NAALADL2: variants seen among roughly 807,000 people sequenced by gnomAD.
NAALADL2 encodes N-acetylated alpha-linked acidic dipeptidase like 2.
Under a neutral mutation model 87.2 loss-of-function variants are expected in NAALADL2, and 76 were observed. The observed-to-expected ratio is 0.87, with a 90% CI of 0.72 to 1.05. The LOEUF is 1.05. NAALADL2 is among the 50% of genes least tolerant of loss of function. NAALADL2 has a pLI of 0.00. For synonymous variants in NAALADL2, 354 were observed against 331.0 expected (o/e 1.07, Z -0.75); for missense variants, 1,089 against 945.8 (o/e 1.15, Z -1.99).
Position 174,559,717 on chromosome 3 carries a change from G to C in NAALADL2, c.-115+9080G>C, listed in dbSNP as rs145369593. On this transcript the variant is annotated intron_variant, in intron 2 of 3. Transcript: ENST00000434257. ...TTTTCTTGTTTTATGCTTGTTGTAT[G>C]ATGGAAAGAAGGCAGGAGGGTCCCT... Among the ~76,000 whole-genome samples, 750 of 152,290 alleles carry C rather than the reference G, an allele frequency of 4.9e-3. 5 individuals are homozygous for C. Among genetic ancestry groups the C allele is most frequent in the African/African-American group, 0.017 (721 of 41,550 alleles).
chr3:175,763,204 A>G (rs564070025), intron 13 of NAALADL2, among the ~76,000 whole-genome samples: 1 of 152,262 alleles, frequency 6.6e-6, no homozygotes, highest in Non-Finnish European at 1.5e-5. Context: ...CTTCTCTCTA[A>G]TCACTTTCTT....
intron 1 of NAALADL2, among the ~76,000 whole-genome samples, chr3:175,006,771 G>T (rs1749082080): frequency 6.6e-6 from 1 of 151,562 alleles, no homozygotes; most frequent in South Asian, 2.1e-4. Flanking sequence ...ATATTGAAAA[G>T]TTCCTTTGTC....
intron 2 of NAALADL2, among the ~76,000 whole-genome samples, chr3:174,651,166 G>T (rs1724318863): frequency 6.6e-6 from 1 of 152,108 alleles, no homozygotes; most frequent in Non-Finnish European, 1.5e-5. Flanking sequence ...GGAATATGAT[G>T]ATATGTTCAC....
chr3:174,802,455 A>G (rs1355661663), intron 3 of NAALADL2, among the ~76,000 whole-genome samples: 1 of 152,202 alleles, frequency 6.6e-6, no homozygotes, highest in Non-Finnish European at 1.5e-5. Flanking sequence ...AATATGATAT[A>G]CATGACTTCT....
chr3:174,787,610 T>TATATACAC (rs1716949278), intron 3 of NAALADL2, among the ~76,000 whole-genome samples: 1 of 111,846 alleles, frequency 8.9e-6, no homozygotes, highest in Admixed American at 9.4e-5. Flanking sequence ...TATATATATA[T>TATATACAC]ATATATATAT....
intron 4 of NAALADL2, among the ~76,000 whole-genome samples, chr3:175,291,886 A>G (rs1294437108): frequency 6.6e-6 from 1 of 152,216 alleles, no homozygotes; most frequent in African/African-American, 2.4e-5. Flanking sequence ...GAGGATAATT[A>G]TTATTTATAC....
At chr3:175,135,420 T>C (rs371929606) in intron 2 of NAALADL2, among the ~76,000 whole-genome samples, 14 of 82,320 alleles carry the variant, frequency 1.7e-4, no homozygotes, top group African/African-American at 5.2e-4. Flanking sequence ...AAAAATGATA[T>C]GCACACAAAA....
chr3:174,606,787 A>C (rs1172719726), intron 2 of NAALADL2, among the ~76,000 whole-genome samples: 1 of 152,194 alleles, frequency 6.6e-6, no homozygotes, highest in Non-Finnish European at 1.5e-5. Flanking sequence ...CTAGCAAGGC[A>C]GGCCAACATT....
intron 3 of NAALADL2, among the ~76,000 whole-genome samples, chr3:174,816,391 TGTGTGTGTGTGTATGTGTGTGC>T (rs1226886827): frequency 8.6e-6 from 1 of 116,020 alleles, no homozygotes; most frequent in Non-Finnish European, 1.8e-5. Flanking sequence ...TATATATGTG[TGTGTGTGTGTGTATGTGTGTGC>T]GTGTGTGTGT....
At chr3:174,646,146 T>A (rs1002189581) in intron 2 of NAALADL2, among the ~76,000 whole-genome samples, 1 of 151,994 alleles carries the variant, frequency 6.6e-6, no homozygotes, top group Non-Finnish European at 1.5e-5. Context: ...ACACATCAAA[T>A]AAAACACTAA....
In NAALADL2 at chr3:175,805,872, G is replaced by C. The variant is rs1019626009; in HGVS notation, c.*2669G>C. 1 of 151,978 alleles carries C rather than the reference G, an allele frequency of 6.6e-6. No individual in the cohort carries two copies. Among genetic ancestry groups the C allele is most frequent in the Non-Finnish European group, 1.5e-5 (1 of 67,886 alleles). The allele number at this position is 151,978 out of a possible 1,614,324, so 9.4% of individuals were successfully genotyped here. On this transcript the variant is annotated 3_prime_UTR_variant, in exon 14 of 14. Coordinates refer to ENST00000454872, the MANE Select transcript of NAALADL2 (RefSeq NM_207015.3). ...GCATAAGTCTCAGAATCAAAAGAAAGCCTAATAAAGATTCTGGTCTAAGCC... is the reference window on the plus strand; with the variant it reads ...GCATAAGTCTCAGAATCAAAAGAAACCCTAATAAAGATTCTGGTCTAAGCC...
intron 2 of NAALADL2, among the ~76,000 whole-genome samples, chr3:174,697,820 G>T (rs771548629): frequency 6.6e-6 from 1 of 152,072 alleles, no homozygotes; most frequent in Non-Finnish European, 1.5e-5. Context: ...GGCTGGACGC[G>T]GTGGCTCATG....
intron 1 of NAALADL2, among the ~76,000 whole-genome samples, chr3:175,019,753 A>C (rs1353965673): frequency 2.0e-5 from 3 of 152,060 alleles, no homozygotes; most frequent in Non-Finnish European, 4.4e-5. Context: ...TCTCCCTAAT[A>C]CTAAGCTTGC....
At chr3:175,702,399 AC>A (rs2149971078) in intron 11 of NAALADL2, among the ~76,000 whole-genome samples, 1 of 152,294 alleles carries the variant, frequency 6.6e-6, no homozygotes, top group Non-Finnish European at 1.5e-5. Flanking sequence ...TATTTTCCTT[AC>A]CAAGTCATTT....
intron 2 of NAALADL2, among the ~76,000 whole-genome samples, chr3:175,209,985 G>A (rs1741525143): frequency 6.6e-6 from 1 of 151,652 alleles, no homozygotes; most frequent in African/African-American, 2.4e-5. Context: ...CCAACGAATA[G>A]TAGCATACTA....
rs541281875 is a variant in NAALADL2, at chr3:174,832,526, A to G, written c.-9+94780A>G. On this transcript the variant is annotated intron_variant, in intron 3 of 3. Coordinates refer to the NAALADL2 transcript ENST00000434257. ...ATCCAGGCTGGAGTGCAGTGGCTCG[A>G]TCTCAGCTCACTGCAAGCTCTGCCT... 4.1e-3 allele frequency among the ~76,000 whole-genome samples: 621 copies of G among 152,008 alleles called. 3 individuals carry two copies. The highest frequency in any genetic ancestry group is 0.02 in the Middle Eastern group (6 of 294).
intron 5 of NAALADL2, among the ~76,000 whole-genome samples, chr3:175,393,042 A>G (rs1253203183): frequency 6.6e-6 from 1 of 152,086 alleles, no homozygotes; most frequent in Admixed American, 6.5e-5. Context: ...TGGGAGGCCG[A>G]GGCGGGTGGA....
chr3:174,860,423 C>T (rs1396555068), intron 1 of NAALADL2, among the ~76,000 whole-genome samples: 1 of 151,750 alleles, frequency 6.6e-6, no homozygotes, highest in Admixed American at 6.6e-5. Flanking sequence ...GTAATAAATT[C>T]TATTGAAGAA....
Position 174,677,805 on chromosome 3 carries a change from C to A in NAALADL2, c.-114-59836C>A, listed in dbSNP as rs373177241. Among the ~76,000 whole-genome samples, 10 of 151,862 alleles carry A rather than the reference C, an allele frequency of 6.6e-5. No individual in the cohort carries two copies. The East Asian group carries it at 1.6e-3, about 24-fold the overall frequency. On this transcript the variant is annotated intron_variant, in intron 2 of 3. Coordinates refer to the NAALADL2 transcript ENST00000434257. The stretch of plus-strand genomic sequence containing the variant: ...TCTCCATGAGGAACATCAGAGCCGT[C>A]TTGCATCTAGAAATACTAGACAGCA...
Sources: allele counts gnomAD v4.1 joint callset (sites outside exome capture counted in the v4.1 genomes callset), GRCh38; gene constraint gnomAD v4.1.1; transcripts MANE v1.5; gene names NCBI Gene and HGNC (gene_info 2026-07-23, HGNC 2026-07-21).